AUH: variants seen among roughly 807,000 people sequenced by gnomAD.
AUH encodes AU RNA binding methylglutaconyl-CoA hydratase.
Under a neutral mutation model 42.3 loss-of-function variants are expected in AUH, and 29 were observed. The ratio of observed to expected loss-of-function variants is 0.69; its 90% confidence interval spans 0.51 to 0.93. AUH has a LOEUF of 0.93. AUH is among the 40% of genes least tolerant of loss of function. The pLI, the probability that AUH is intolerant of heterozygous loss-of-function variation, is 0.00. For missense variants in AUH, 452 were observed against 438.1 expected, an observed-to-expected ratio of 1.03 and a Z score of -0.28; for synonymous variants, 174 against 166.4, an observed-to-expected ratio of 1.05 and a Z score of -0.35.
intron 3 of AUH, chr9:91,342,858 C>T (rs1381461257): frequency 1.3e-5 from 2 of 152,416 alleles, no homozygotes; most frequent in Non-Finnish European, 2.9e-5. Context: ...CTCTGCCACC[C>T]CTTTGAGACA....
chr9:91,330,867 CATA>C (rs777527762), intron 3 of AUH, among the ~76,000 whole-genome samples: 7 of 152,120 alleles, frequency 4.6e-5, no homozygotes, highest in South Asian at 2.1e-4. Flanking sequence ...CGATAAAAGT[CATA>C]ATAATTGCCT....
chr9:91,349,327 A>C (rs1831769483), intron 3 of AUH, among the ~76,000 whole-genome samples: 1 of 152,252 alleles, frequency 6.6e-6, no homozygotes, highest in African/African-American at 2.4e-5. Context: ...AGGGTTCTAC[A>C]TATAGCAATC....
chr9:91,256,951 C>A (rs553396715), intron 6 of AUH, among the ~76,000 whole-genome samples: 1 of 152,156 alleles, frequency 6.6e-6, no homozygotes, highest in Admixed American at 6.5e-5. Flanking sequence ...ATCAAAGCTT[C>A]TCTCTCCTTT....
chr9:91,286,332 C>T (rs1425124601), intron 6 of AUH, among the ~76,000 whole-genome samples: 1 of 152,098 alleles, frequency 6.6e-6, no homozygotes, highest in East Asian at 1.9e-4. Flanking sequence ...AGATCCCTCA[C>T]CCAGGGAGGG....
chr9:91,250,308 C>A (rs1275668724), intron 6 of AUH, among the ~76,000 whole-genome samples: 1 of 152,162 alleles, frequency 6.6e-6, no homozygotes, highest in Non-Finnish European at 1.5e-5. Flanking sequence ...CTGAAAAATT[C>A]TCTTGATACC....
chr9:91,321,858 A>G (rs955912922), intron 4 of AUH, among the ~76,000 whole-genome samples: 2 of 152,234 alleles, frequency 1.3e-5, no homozygotes, highest in African/African-American at 4.8e-5. Flanking sequence ...TACATCATCT[A>G]TGGTTGCTTT....
At chr9:91,279,743 A>T (rs1033899951) in intron 6 of AUH, among the ~76,000 whole-genome samples, 1 of 152,188 alleles carries the variant, frequency 6.6e-6, no homozygotes, top group African/African-American at 2.4e-5. Flanking sequence ...TGCGGGTCAC[A>T]ATTAACATGA....
At chr9:91,336,512 C>A (rs1830700208) in intron 3 of AUH, among the ~76,000 whole-genome samples, 1 of 151,854 alleles carries the variant, frequency 6.6e-6, no homozygotes, top group African/African-American at 2.4e-5. Context: ...CACCTGTAAA[C>A]CTAGCTACTC....
intron 6 of AUH, among the ~76,000 whole-genome samples, chr9:91,279,236 T>C (rs1001291721): frequency 1.3e-5 from 2 of 152,210 alleles, no homozygotes; most frequent in Admixed American, 6.5e-5. Context: ...ATAGGCACTT[T>C]ACATGTATTA....
At chr9:91,357,607 G>C (rs1261542021) in intron 1 of AUH, 1 of 645,970 alleles carries the variant, frequency 1.5e-6, no homozygotes, top group Non-Finnish European at 1.9e-6. Flanking sequence ...CAAGCTGTAA[G>C]TGGTGCTACA....
chr9:91,276,273 G>A lies in AUH; in HGVS notation c.655+19748C>T, dbSNP rs549780927. On this transcript the variant is annotated intron_variant, in intron 6 of 9. Coordinates refer to ENST00000375731, the MANE Select transcript of AUH (RefSeq NM_001698.3). ...GTGAAACCCTATCTCTACTAAAATTGCAAAAACATTAGCCGGGTGTGGTGG... is the reference window on the plus strand; with the variant it reads ...GTGAAACCCTATCTCTACTAAAATTACAAAAACATTAGCCGGGTGTGGTGG... Among the ~76,000 whole-genome samples the A allele has an allele frequency of 1.5e-3, 229 of 152,020 alleles. 1 individual carries two copies. The highest frequency in any genetic ancestry group is 4.9e-3 in the African/African-American group (204 of 41,510).
intron 9 of AUH, among the ~76,000 whole-genome samples, chr9:91,215,449 TAC>T (rs2131184489): frequency 6.6e-6 from 1 of 152,304 alleles, no homozygotes; most frequent in African/African-American, 2.4e-5. Flanking sequence ...AAATGGCATG[TAC>T]ACAGTTCTTA....
At chr9:91,301,067 T>C (rs578105333) in intron 4 of AUH, among the ~76,000 whole-genome samples, 14 of 152,236 alleles carry the variant, frequency 9.2e-5, no homozygotes, top group Non-Finnish European at 1.9e-4. Context: ...TCCTGGTATT[T>C]TGCCTACTTT....
chr9:91,298,144 A>AT (rs750783458), intron 4 of AUH, 68 bp from the exon 5 acceptor site: 22 of 1,300,176 alleles, frequency 1.7e-5, no homozygotes, highest in Non-Finnish European at 2.3e-5. Context: ...TTCATTTTTA[A>AT]TTTTTTTCTG....
intron 8 of AUH, 63 bp downstream of exon 8, chr9:91,217,204 TCTAAACATGG>T: frequency 6.8e-7 from 1 of 1,466,900 alleles, no homozygotes; most frequent in Non-Finnish European, 9.5e-7. Context: ...AATGTAGAAG[TCTAAACATGG>T]TTCATTTAAA....
chr9:91,254,702 T>C (rs1829315620), intron 6 of AUH, among the ~76,000 whole-genome samples: 1 of 152,214 alleles, frequency 6.6e-6, no homozygotes, highest in Non-Finnish European at 1.5e-5. Flanking sequence ...CTGCCTATAT[T>C]GGCAACCATT....
intron 6 of AUH, among the ~76,000 whole-genome samples, chr9:91,221,511 G>A (rs867955833): frequency 6.6e-5 from 10 of 152,020 alleles, no homozygotes; most frequent in African/African-American, 2.4e-4. Context: ...ATGAAAACAG[G>A]CTTTGTCCTG....
chr9:91,296,119 A>C lies in AUH; in HGVS notation c.599-42T>G, dbSNP rs1216368508. The C allele has an allele frequency of 3.2e-6, 5 of 1,579,960 alleles. No homozygotes were observed. In the African/African-American group the frequency reaches 6.7e-5, roughly 21 times the overall value. On this transcript the variant is annotated intron_variant, in intron 5 of 9. Transcript: ENST00000375731. ...AAAATTAAGTATCATCCATATCATC[A>C]CATTCAAATATGACAACTTGAAAAA...
chr9:91,356,208 G>T (rs1587931562), intron 1 of AUH, 53 bp from the exon 2 acceptor site: 1 of 1,430,490 alleles, frequency 7.0e-7, no homozygotes, highest in Admixed American at 1.7e-5. Flanking sequence ...GGCATTCAGA[G>T]AACAGACTCT....
Sources: gnomAD v4.1 joint callset for allele counts (sites outside exome capture counted in the v4.1 genomes callset) on GRCh38, gnomAD v4.1.1 for gene constraint, MANE v1.5 for transcripts, NCBI Gene and HGNC (gene_info 2026-07-23, HGNC 2026-07-21) for gene names.